Variants in VPS33A observed in about 807,000 individuals in gnomAD.
VPS33A encodes the protein VPS33A core subunit of CORVET and HOPS complexes.
In VPS33A, 32 loss-of-function variants were observed where a neutral mutation model predicts 71.8. The observed-to-expected ratio is 0.45, with a 90% CI of 0.34 to 0.60. VPS33A has a LOEUF of 0.60. VPS33A is among the 20% of genes least tolerant of loss of function. The probability of loss-of-function intolerance (pLI) is 0.02; values close to 1 mark genes in which losing one functional copy is unlikely to be tolerated. For missense variants in VPS33A, 625 were observed against 748.5 expected (o/e 0.84, Z 1.92); for synonymous variants, 311 against 292.7 (o/e 1.06, Z -0.64).
At chr12:122,249,782 G>T in intron 6 of VPS33A, 89 bp downstream of exon 6, 2 of 1,241,662 alleles carry the variant, frequency 1.6e-6, no homozygotes, top group Non-Finnish European at 1.1e-6. Context: ...TTTAAATTAT[G>T]CTTAAGTGTG....
At chr12:122,262,488 T>G (rs1417731601) in intron 3 of VPS33A, among the ~76,000 whole-genome samples, 1 of 152,124 alleles carries the variant, frequency 6.6e-6, no homozygotes, top group African/African-American at 2.4e-5. Context: ...CTTCCAAAAA[T>G]AGCCCATATG....
chr12:122,244,542 C>T, intron 7 of VPS33A, 27 bp downstream of exon 7: 1 of 1,565,244 alleles, frequency 6.4e-7, no homozygotes, highest in Non-Finnish European at 8.7e-7. Flanking sequence ...CCTAGAGTTG[C>T]AGAATGACAC....
At chr12:122,235,738 G>A (rs750373612) in intron 11 of VPS33A, 48 bp downstream of exon 11, 75 of 1,551,234 alleles carry the variant, frequency 4.8e-5, no homozygotes, top group Non-Finnish European at 6.1e-5. Flanking sequence ...TCACCTGGAC[G>A]ATCTAACCAG....
intron 8 of VPS33A, chr12:122,241,235 A>C (rs1271140637): frequency 6.6e-6 from 1 of 152,190 alleles, no homozygotes; most frequent in African/African-American, 2.4e-5. Context: ...TCTACATTCC[A>C]AATATTTTTC....
intron 4 of VPS33A, among the ~76,000 whole-genome samples, chr12:122,251,725 G>C (rs1006686598): frequency 1.3e-5 from 2 of 151,894 alleles, no homozygotes; most frequent in African/African-American, 4.8e-5. Context: ...ATTGAACAAT[G>C]AGAACACTTG....
At chr12:122,232,452 A>T in intron 12 of VPS33A, 25 bp from the exon 13 acceptor site, 1 of 1,595,284 alleles carries the variant, frequency 6.3e-7, no homozygotes, top group Non-Finnish European at 8.5e-7. Context: ...TTTCAGAATT[A>T]AAAACTATTT....
chr12:122,256,124 T>C (rs1954914740), intron 4 of VPS33A, among the ~76,000 whole-genome samples: 1 of 152,120 alleles, frequency 6.6e-6, no homozygotes, highest in Non-Finnish European at 1.5e-5. Context: ...AAGTTTCATT[T>C]TTCCCCCTTT....
At chr12:122,266,139 C>CA (rs1275595115) in intron 1 of VPS33A, among the ~76,000 whole-genome samples, 168 bp downstream of exon 1, 2 of 152,106 alleles carry the variant, frequency 1.3e-5, no homozygotes, top group Non-Finnish European at 2.9e-5. Context: ...AGGGCCCCCC[C>CA]CTTCATCGCT....
At chr12:122,252,592 A>AG (rs1283917749) in intron 4 of VPS33A, among the ~76,000 whole-genome samples, 2 of 152,128 alleles carry the variant, frequency 1.3e-5, no homozygotes, top group Admixed American at 6.5e-5. Flanking sequence ...TTAAAAAAAA[A>AG]AGAGAGAGAG....
At chr12:122,235,542 GT>G (rs1954619006) in intron 11 of VPS33A, among the ~76,000 whole-genome samples, 1 of 152,092 alleles carries the variant, frequency 6.6e-6, no homozygotes. Flanking sequence ...GGGATTATAG[GT>G]GTGAGCCACC....
Position 122,261,334 on chromosome 12 carries a change from C to A in VPS33A, c.410G>T (p.Arg137Met). ...DLGVLGSFIH[R>M]EEYSLDLIPF... is the part of the protein sequence containing the mutation. ...AATGAGATCTAAGCTGTACTCCTCC[C>A]TGTGAATAAAGGATCCCAAGACACC... The change falls in exon 4 of 13, where the codon AGG becomes ATG. Residue 137 changes from arginine to methionine, a missense_variant. Arg to Met is a moderately conservative substitution (Grantham distance 91). Coordinates refer to ENST00000267199, the MANE Select transcript of VPS33A (RefSeq NM_022916.6). 6.2e-7 allele frequency: 1 copy of A among 1,614,126 alleles called. No homozygotes were observed. Among genetic ancestry groups the A allele is most frequent in the Non-Finnish European group, 8.5e-7 (1 of 1,180,024 alleles).
At chr12:122,260,690 T>C (rs985045923) in intron 4 of VPS33A, among the ~76,000 whole-genome samples, 1 of 152,164 alleles carries the variant, frequency 6.6e-6, no homozygotes, top group Non-Finnish European at 1.5e-5. Context: ...TAAAAGACAT[T>C]ATACACAAAG....
rs528723397 is a variant in VPS33A at position 122,233,287 on chromosome 12, A to G, written c.1441-319T>C. On this transcript the variant is annotated intron_variant, in intron 11 of 12. Coordinates refer to ENST00000267199, the MANE Select transcript of VPS33A (RefSeq NM_022916.6). The stretch of plus-strand genomic sequence containing the variant: ...GTCACCCAGGCTGGAGTGCAGTGGC[A>G]TAATTTCAGCTCACTGCAACCTCCG... Among the ~76,000 whole-genome samples the G allele has an allele frequency of 4.4e-4, 66 of 151,514 alleles. 1 individual carries two copies. The South Asian group carries it at 0.013, about 30-fold the overall frequency.
At chr12:122,238,859 A>G in intron 9 of VPS33A, 135 bp from the exon 10 acceptor site, 1 of 1,017,014 alleles carries the variant, frequency 9.8e-7, no homozygotes, top group Non-Finnish European at 1.4e-6. Flanking sequence ...TTCAAAGTCC[A>G]ATAAAGGAGA....
At position 122,232,061 on chromosome 12, in the gene VPS33A, GA is replaced by G. The variant is rs370160099; in HGVS notation, c.*184del. The G allele has an allele frequency of 0.045, 18,839 of 416,454 alleles. 436 individuals are homozygous for G. Among genetic ancestry groups the G allele is most frequent in the African/African-American group, 0.15 (6,694 of 45,554 alleles). The allele number at this position is 416,454 out of a possible 1,614,324, so 25.8% of individuals were successfully genotyped here. ...GACAGAGCAAGACTCCGTCTCAAAG[GA>G]AAAAAAAAAAGGGAATACAAAAGAG... is the stretch of plus-strand genomic sequence containing the variant. On this transcript the variant is annotated 3_prime_UTR_variant, in exon 13 of 13. Transcript: ENST00000267199.
intron 4 of VPS33A, among the ~76,000 whole-genome samples, chr12:122,260,189 A>G (rs1395832606): frequency 6.6e-6 from 1 of 152,186 alleles, no homozygotes; most frequent in Non-Finnish European, 1.5e-5. Flanking sequence ...AAAATGTGCC[A>G]TACTTAGAGA....
chr12:122,256,444 C>T (rs556136750), intron 4 of VPS33A, among the ~76,000 whole-genome samples: 100 of 151,944 alleles, frequency 6.6e-4, no homozygotes, highest in African/African-American at 2.3e-3. Flanking sequence ...CGTGGTGGCG[C>T]GTTCCTGTAA....
chr12:122,237,273 G>A (rs374709044), intron 10 of VPS33A, among the ~76,000 whole-genome samples: 23 of 152,208 alleles, frequency 1.5e-4, no homozygotes, highest in Admixed American at 4.6e-4. Context: ...CTTTTCCTCC[G>A]TGGTATAACT....
rs1233884307 is a variant in VPS33A at position 122,264,171 on chromosome 12, C to G, written c.131G>C (p.Gly44Ala). The change falls in exon 2 of 13, where the codon GGA (glycine) becomes GCA (alanine). Residue 44 changes from glycine (G) to alanine (A), a missense_variant. By Grantham distance (60) the Gly-to-Ala change is moderately conservative. Transcript: ENST00000267199. ...KAIVWDEYLTGPFGLIAQYSL... is the reference protein window; with the variant it reads ...KAIVWDEYLTAPFGLIAQYSL... ...ATACTGTGCAATCAGGCCAAAGGGT[C>G]CAGTTAGGTATTCATCCCAAACTAT... The G allele has an allele frequency of 6.4e-7, 1 of 1,557,334 alleles. No individual in the cohort carries two copies. Among genetic ancestry groups the G allele is most frequent in the African/African-American group, 1.3e-5 (1 of 74,314 alleles).
Sources: gnomAD v4.1 joint callset for allele counts (sites outside exome capture counted in the v4.1 genomes callset) on GRCh38, gnomAD v4.1.1 for gene constraint, MANE v1.5 for transcripts, NCBI Gene and HGNC (gene_info 2026-07-23, HGNC 2026-07-21) for gene names.